The following ZBTB20 variants were observed in gnomAD, a reference collection of about 807,000 sequenced individuals.
ZBTB20 encodes zinc finger and BTB domain containing 20, also known as zinc finger and BTB domain-containing protein 20.
A neutral mutation model predicts 56.9 loss-of-function variants in ZBTB20; 9 were observed. The observed-to-expected ratio is 0.16, with a 90% CI of 0.10 to 0.28. ZBTB20 has a LOEUF of 0.28. Among genes scored for constraint, ZBTB20 ranks in the 10% least tolerant of loss-of-function variants. The probability of loss-of-function intolerance (pLI) is 1.00; values close to 1 mark genes in which losing one functional copy is unlikely to be tolerated. For missense variants in ZBTB20, 655 were observed against 1,003.0 expected (o/e 0.65, Z 4.69); for synonymous variants, 417 against 420.7 (o/e 0.99, Z 0.11).
intron 7 of ZBTB20, among the ~76,000 whole-genome samples, chr3:114,469,010 CAAAAA>C (rs1164804884): frequency 3.0e-5 from 2 of 67,064 alleles, no homozygotes; most frequent in Non-Finnish European, 6.1e-5. Context: ...TCAAGAGAAG[CAAAAA>C]AAAAAAAAAA....
intron 6 of ZBTB20, among the ~76,000 whole-genome samples, chr3:114,660,697 C>T (rs902458095): frequency 3.3e-5 from 5 of 152,050 alleles, no homozygotes; most frequent in Non-Finnish European, 5.9e-5. Flanking sequence ...AAAAACTGTT[C>T]ATAATCAGCA....
chr3:114,936,251 C>T (rs1385269876), intron 3 of ZBTB20, among the ~76,000 whole-genome samples: 8 of 152,222 alleles, frequency 5.3e-5, no homozygotes, highest in African/African-American at 1.9e-4. Context: ...CATACACACA[C>T]TGATGCATGC....
At chr3:114,600,313 T>C (rs1014290652) in intron 6 of ZBTB20, among the ~76,000 whole-genome samples, 1 of 152,010 alleles carries the variant, frequency 6.6e-6, no homozygotes, top group African/African-American at 2.4e-5. Flanking sequence ...ACAGATTTAC[T>C]GGGAGCACTC....
intron 6 of ZBTB20, among the ~76,000 whole-genome samples, chr3:114,604,510 A>G (rs573266244): frequency 5.3e-5 from 8 of 151,958 alleles, no homozygotes; most frequent in Non-Finnish European, 1.0e-4. Context: ...TATTTAAAAT[A>G]TATGTAAAAT....
At chr3:114,968,763 T>G (rs759868760) in intron 3 of ZBTB20, among the ~76,000 whole-genome samples, 2 of 152,198 alleles carry the variant, frequency 1.3e-5, no homozygotes, top group African/African-American at 2.4e-5. Flanking sequence ...TAGAAATTCC[T>G]ATAATATTCC....
chr3:114,685,926 C>G (rs1032737997), intron 6 of ZBTB20, among the ~76,000 whole-genome samples: 5 of 151,962 alleles, frequency 3.3e-5, no homozygotes, highest in African/African-American at 4.8e-5. Context: ...AAATCCAGGT[C>G]CCTGAATGTA....
chr3:114,436,779 A>C (rs1166660933), intron 7 of ZBTB20, among the ~76,000 whole-genome samples: 1 of 152,130 alleles, frequency 6.6e-6, no homozygotes, highest in Non-Finnish European at 1.5e-5. Flanking sequence ...CAGAAGTTTG[A>C]GGCTGCAGTG....
chr3:114,676,430 T>C (rs1358484896), intron 6 of ZBTB20, among the ~76,000 whole-genome samples: 1 of 152,192 alleles, frequency 6.6e-6, no homozygotes, highest in Non-Finnish European at 1.5e-5. Context: ...AAGGTCAATG[T>C]TCTATAAACA....
At chr3:114,551,340 C>T (rs750018254) in intron 6 of ZBTB20, among the ~76,000 whole-genome samples, 1 of 152,170 alleles carries the variant, frequency 6.6e-6, no homozygotes, top group Non-Finnish European at 1.5e-5. Context: ...AGTTCTTTCA[C>T]TTAAAGAGTT....
rs546316246 is a variant in ZBTB20 at position 114,416,442 on chromosome 3, GC to G, written c.-254-27338del. Among the ~76,000 whole-genome samples the G allele has an allele frequency of 3.3e-5, 5 of 151,700 alleles. No homozygotes were observed. In the South Asian group the frequency reaches 1.0e-3, roughly 32 times the overall value. ...AAATATTCTCTGACATTTTCAATTT[GC>G]TTGCAACATACAGGGTTTTGTTTTG... is the stretch of plus-strand genomic sequence containing the variant. On this transcript the variant is annotated intron_variant, in intron 7 of 11. Coordinates refer to ENST00000675478, the MANE Select transcript of ZBTB20 (RefSeq NM_001348800.3).
At chr3:114,631,152 T>G (rs2107830897) in intron 6 of ZBTB20, among the ~76,000 whole-genome samples, 1 of 152,162 alleles carries the variant, frequency 6.6e-6, no homozygotes, top group Non-Finnish European at 1.5e-5. Flanking sequence ...ACAGAAGTAC[T>G]AAGCTATTGA....
chr3:114,352,182 T>C (rs2080745087), intron 10 of ZBTB20, among the ~76,000 whole-genome samples: 1 of 152,200 alleles, frequency 6.6e-6, no homozygotes, highest in Non-Finnish European at 1.5e-5. Flanking sequence ...TTTGTTTGCC[T>C]GCTATTCCTA....
At chr3:115,029,726 A>G (rs901868191) in intron 2 of ZBTB20, among the ~76,000 whole-genome samples, 12 of 150,860 alleles carry the variant, frequency 8.0e-5, no homozygotes, top group African/African-American at 1.2e-4. Flanking sequence ...CTCACACTGT[A>G]TATCAAAATA....
intron 6 of ZBTB20, among the ~76,000 whole-genome samples, chr3:114,663,768 A>C (rs1478915343): frequency 6.6e-6 from 1 of 151,648 alleles, no homozygotes; most frequent in Admixed American, 6.6e-5. Flanking sequence ...ACTTTAAACC[A>C]ACAAAGATCA....
At chr3:114,582,839 C>A (rs962641672) in intron 6 of ZBTB20, among the ~76,000 whole-genome samples, 6 of 152,152 alleles carry the variant, frequency 3.9e-5, no homozygotes, top group Non-Finnish European at 5.9e-5. Context: ...GCCAAACATG[C>A]CTACAAAGTG....
At chr3:114,903,829 T>C (rs1211441691) in intron 3 of ZBTB20, among the ~76,000 whole-genome samples, 1 of 152,032 alleles carries the variant, frequency 6.6e-6, no homozygotes, top group Non-Finnish European at 1.5e-5. Flanking sequence ...TTATGTATTC[T>C]AAGGAGATCC....
intron 6 of ZBTB20, among the ~76,000 whole-genome samples, chr3:114,678,371 A>T (rs568926219): frequency 1.4e-4 from 21 of 152,284 alleles, no homozygotes; most frequent in African/African-American, 5.1e-4. Context: ...AATTGATCCT[A>T]CTGTATTAAG....
intron 7 of ZBTB20, among the ~76,000 whole-genome samples, chr3:114,449,683 T>TAAA (rs11439656): frequency 2.2e-5 from 3 of 134,538 alleles, no homozygotes; most frequent in Admixed American, 7.4e-5. Flanking sequence ...AGCCTAGCTT[T>TAAA]AAAAAAAAAA....
intron 6 of ZBTB20, among the ~76,000 whole-genome samples, chr3:114,593,389 T>C (rs566505432): frequency 6.7e-4 from 97 of 144,886 alleles, no homozygotes; most frequent in Middle Eastern, 3.4e-3. Context: ...CTTTTCTTTT[T>C]TTTTTTTTTT....
Sources: gnomAD v4.1 joint callset for allele counts (sites outside exome capture counted in the v4.1 genomes callset) on GRCh38, gnomAD v4.1.1 for gene constraint, MANE v1.5 for transcripts, NCBI Gene and HGNC (gene_info 2026-07-23, HGNC 2026-07-21) for gene names.